SGCD: variants seen among roughly 807,000 people sequenced by gnomAD.
SGCD encodes the protein delta-sarcoglycan.
In SGCD, 18 loss-of-function variants were observed where a neutral mutation model predicts 36.6. That is an observed-to-expected ratio of 0.49 (90% CI 0.34 to 0.73). The LOEUF (loss-of-function observed/expected upper bound fraction) is 0.73, where lower values mean the gene tolerates loss of function less well. Among genes scored for constraint, SGCD ranks in the 30% least tolerant of loss-of-function variants. The pLI, the probability that SGCD is intolerant of heterozygous loss-of-function variation, is 0.01. For missense variants in SGCD, 387 were observed against 346.7 expected, an observed-to-expected ratio of 1.12 and a Z score of -0.92; for synonymous variants, 133 against 130.6, an observed-to-expected ratio of 1.02 and a Z score of -0.12.
chr5:155,826,740 G>A, the SGCD span, among the ~76,000 whole-genome samples: 1 of 152,126 alleles, frequency 6.6e-6, no homozygotes, highest in African/African-American at 2.4e-5. Context: ...CTCAACTGTA[G>A]TGCAGTTTCC....
intron 1 of SGCD, among the ~76,000 whole-genome samples, chr5:155,945,494 AC>A (rs1289496816): frequency 2.6e-5 from 4 of 152,172 alleles, no homozygotes; most frequent in Admixed American, 2.0e-4. Context: ...CCAACATGCA[AC>A]TACAAATGAT....
the SGCD span, among the ~76,000 whole-genome samples, chr5:155,821,259 A>T: frequency 3.3e-5 from 5 of 152,172 alleles, no homozygotes; most frequent in Non-Finnish European, 1.5e-5. Context: ...TATTCTAAGT[A>T]AATAGTCAGG....
chr5:156,581,308 A>C (rs1581203330), intron 4 of SGCD, among the ~76,000 whole-genome samples: 4 of 152,084 alleles, frequency 2.6e-5, no homozygotes, highest in Admixed American at 2.6e-4. Context: ...CCAGAGGGGC[A>C]CCTGCCTGTA....
chr5:156,612,862 G>C (rs148036115), intron 6 of SGCD, among the ~76,000 whole-genome samples: 43 of 152,254 alleles, frequency 2.8e-4, no homozygotes, highest in African/African-American at 7.5e-4. Flanking sequence ...CCTACTTTGG[G>C]GCAGTGCAAC....
chr5:155,847,210 C>T, the SGCD span, among the ~76,000 whole-genome samples: 1 of 152,166 alleles, frequency 6.6e-6, no homozygotes, highest in Non-Finnish European at 1.5e-5. Flanking sequence ...ATTCTTAAAA[C>T]AGCTCTATGA....
the SGCD span, among the ~76,000 whole-genome samples, chr5:155,799,895 T>A: frequency 1.6e-4 from 24 of 145,786 alleles, no homozygotes; most frequent in East Asian, 8.5e-4. Flanking sequence ...CTTGGTTCAA[T>A]GCAATCTCTG....
At chr5:156,046,584 T>C (rs904599768) in intron 1 of SGCD, among the ~76,000 whole-genome samples, 1 of 152,208 alleles carries the variant, frequency 6.6e-6, no homozygotes, top group Non-Finnish European at 1.5e-5. Flanking sequence ...TTTTTGGTCA[T>C]TGATCTTTGA....
chr5:155,825,307 C>G, the SGCD span, among the ~76,000 whole-genome samples: 2 of 152,140 alleles, frequency 1.3e-5, no homozygotes, highest in Admixed American at 6.5e-5. Flanking sequence ...GGGAGAGGGT[C>G]CCGAACAATG....
At chr5:156,322,147 C>T (rs968426551), upstream of SGCD, among the ~76,000 whole-genome samples, 1 of 152,200 alleles carries the variant, frequency 6.6e-6, no homozygotes, top group African/African-American at 2.4e-5. Context: ...TGACAACTGA[C>T]TCGGTAATTT....
intron 4 of SGCD, among the ~76,000 whole-genome samples, chr5:156,579,205 C>T (rs1233057962): frequency 6.6e-6 from 1 of 152,138 alleles, no homozygotes; most frequent in African/African-American, 2.4e-5. Context: ...GTTCAGTTTC[C>T]ATGTAGTTGA....
the SGCD span, among the ~76,000 whole-genome samples, chr5:155,743,988 T>C: frequency 6.6e-6 from 1 of 152,240 alleles, no homozygotes; most frequent in Middle Eastern, 3.4e-3. Context: ...CAATAGTAAA[T>C]CTTCTTTGGA....
intron 1 of SGCD, among the ~76,000 whole-genome samples, chr5:155,942,318 G>GTATC (rs1215503536): frequency 0.058 from 4,238 of 73,318 alleles, 99 homozygotes; most frequent in Admixed American, 0.14. Flanking sequence ...ATGTATGTAT[G>GTATC]TATGTATGTA....
At chr5:156,521,345 T>C (rs891851979) in intron 4 of SGCD, among the ~76,000 whole-genome samples, 1 of 151,962 alleles carries the variant, frequency 6.6e-6, no homozygotes, top group African/African-American at 2.4e-5. Context: ...GAGCAAAAAA[T>C]TGACCAATGG....
At chr5:156,011,994 T>C (rs764776274) in intron 1 of SGCD, among the ~76,000 whole-genome samples, 1 of 152,204 alleles carries the variant, frequency 6.6e-6, no homozygotes, top group Non-Finnish European at 1.5e-5. Context: ...CTCTAAAATA[T>C]ATCTAAAACC....
At chr5:156,325,334 G>A (rs377496147), upstream of SGCD, among the ~76,000 whole-genome samples, 12 of 148,714 alleles carry the variant, frequency 8.1e-5, no homozygotes, top group East Asian at 2.4e-3. Context: ...TGGCTTTTAG[G>A]TTAGAGAAAA....
intron 1 of SGCD, among the ~76,000 whole-genome samples, chr5:156,086,892 T>A (rs1761109395): frequency 6.6e-6 from 1 of 152,228 alleles, no homozygotes; most frequent in Non-Finnish European, 1.5e-5. Flanking sequence ...CTATGGATAG[T>A]GGATATGCAT....
At chr5:156,227,798 A>T (rs1237421131) in intron 3 of SGCD, among the ~76,000 whole-genome samples, 2 of 151,992 alleles carry the variant, frequency 1.3e-5, no homozygotes, top group Non-Finnish European at 2.9e-5. Flanking sequence ...CTTTCCTCTT[A>T]ACACCACCTT....
At chr5:155,891,578 G>GTTTTTTTTTT (rs1554102611) in intron 1 of SGCD, among the ~76,000 whole-genome samples, 1 of 5,332 alleles carries the variant, frequency 1.9e-4, no homozygotes, top group Non-Finnish European at 3.8e-4. Flanking sequence ...TTTTTTTTTT[G>GTTTTTTTTTT]GTGACATTAC....
rs183955304 is a variant in SGCD at position 156,627,760 on chromosome 5, A to G, written c.503-19704A>G. 1.6e-4 allele frequency among the ~76,000 whole-genome samples: 24 copies of G among 152,332 alleles called. No individual in the cohort carries two copies. The East Asian group carries it at 4.4e-3, about 28-fold the overall frequency. ...ATAATATTAACAACAACTATGCTAC[A>G]ATGTGTAATTTAAAAAAATAAACAA... is the stretch of plus-strand genomic sequence containing the variant. On this transcript the variant is annotated intron_variant, in intron 6 of 8. Coordinates refer to ENST00000337851, the MANE Select transcript of SGCD (RefSeq NM_000337.6).
Sources: gnomAD v4.1 joint callset for allele counts (sites outside exome capture counted in the v4.1 genomes callset) on GRCh38, gnomAD v4.1.1 for gene constraint, MANE v1.5 for transcripts, NCBI Gene and HGNC (gene_info 2026-07-23, HGNC 2026-07-21) for gene names.